ZNF544: variants seen among roughly 807,000 people sequenced by gnomAD.
ZNF544 encodes the protein zinc finger protein 544.
A neutral mutation model predicts 13.5 loss-of-function variants in ZNF544; 10 were observed. The ratio of observed to expected loss-of-function variants is 0.74; its 90% CI spans 0.46 to 1.25. The LOEUF is 1.25. Among genes scored for constraint, ZNF544 ranks in the 50% most tolerant of loss-of-function variants. ZNF544 has a pLI of 0.00. For synonymous variants in ZNF544, 323 were observed against 300.5 expected (o/e 1.07, Z -0.77); for missense variants, 896 against 845.6 (o/e 1.06, Z -0.74).
downstream of ZNF544, among the ~76,000 whole-genome samples, chr19:58,265,842 C>T (rs1047225503): frequency 5.9e-5 from 9 of 152,034 alleles, no homozygotes; most frequent in Non-Finnish European, 1.2e-4. Context: ...CAGCCTTGGC[C>T]TCCCAAAGTC....
Position 58,261,530 on chromosome 19 carries a change from TGA to T in ZNF544, c.928_929del (p.Leu311ValfsTer18). The T allele has an allele frequency of 1.2e-6, 2 of 1,614,198 alleles. No individual in the cohort carries two copies. Among genetic ancestry groups the T allele is most frequent in the South Asian group, 1.1e-5 (1 of 91,084 alleles). ...GTGATGAGTGCAGGGAAACCTGTTC[TGA>T]GAGTCTGTGCCTTGTACAAACAGAA... is the stretch of plus-strand genomic sequence containing the variant. ...ECDECRETCS[E>X]SLCLVQTERS... is the part of the protein sequence containing the mutation. On this transcript the variant is annotated frameshift_variant, in exon 7 of 7. Coordinates refer to ENST00000687789, the MANE Select transcript of ZNF544 (RefSeq NM_014480.4). LOFTEE classifies it low-confidence loss of function (END_TRUNC).
rs768920049 is a variant in ZNF544 at position 58,262,128 on chromosome 19, G to C, written c.1522G>C (p.Val508Leu). ...ATCTTTCAGCCAGAAGTATGACCTT[G>C]TTGTACATCAGAGGACACACACTGG... Reference protein sequence around the residue: ...GKSFSQKYDLVVHQRTHTGEK... With the variant: ...GKSFSQKYDLLVHQRTHTGEK... The change falls in exon 7 of 7, where the codon GTT becomes CTT. Residue 508 changes from valine to leucine, a missense_variant. By Grantham distance (32) the Val-to-Leu change is conservative. Coordinates refer to ENST00000687789, the MANE Select transcript of ZNF544 (RefSeq NM_014480.4). 1 of 1,611,900 alleles carries C rather than the reference G, an allele frequency of 6.2e-7. No individual in the cohort carries two copies. The highest frequency in any genetic ancestry group is 1.3e-5 in the African/African-American group (1 of 74,086).
chr19:58,266,212 C>CAAAAAAA (rs760851818), downstream of ZNF544, among the ~76,000 whole-genome samples: 479 of 46,098 alleles, frequency 0.01, 25 homozygotes, highest in Middle Eastern at 0.028. Context: ...GACTCTGTCT[C>CAAAAAAA]AAAAAAAAAA....
chr19:58,240,492 C>T (rs1387649296), intron 3 of ZNF544, among the ~76,000 whole-genome samples: 1 of 152,036 alleles, frequency 6.6e-6, no homozygotes, highest in Non-Finnish European at 1.5e-5. Flanking sequence ...CTCCTGACCT[C>T]GTGATCTGCA....
At chr19:58,232,079 C>G (rs2041359694) in intron 3 of ZNF544, among the ~76,000 whole-genome samples, 1 of 151,440 alleles carries the variant, frequency 6.6e-6, no homozygotes, top group Non-Finnish European at 1.5e-5. Context: ...AAAACTAATA[C>G]AAAATATAAT....
At chr19:58,231,962 T>TC (rs1391356736) in intron 3 of ZNF544, 1 of 151,904 alleles carries the variant, frequency 6.6e-6, no homozygotes, top group African/African-American at 2.4e-5. Context: ...TGCCTCAGCC[T>TC]CCCAAGTTAC....
chr19:58,246,652 C>T, intron 5 of ZNF544, 59 bp from the exon 6 acceptor site: 4 of 1,588,956 alleles, frequency 2.5e-6, no homozygotes, highest in Non-Finnish European at 3.4e-6. Flanking sequence ...AGCTTGGACC[C>T]AGGACATGGT....
intron 5 of ZNF544, among the ~76,000 whole-genome samples, chr19:58,273,665 G>A (rs544254177): frequency 6.7e-6 from 1 of 150,220 alleles, no homozygotes; most frequent in South Asian, 2.1e-4. Context: ...ACTCCAGCCT[G>A]GGCGACAGAG....
chr19:58,249,776 G>T (rs2045993888), intron 6 of ZNF544, among the ~76,000 whole-genome samples: 1 of 152,112 alleles, frequency 6.6e-6, no homozygotes, highest in Non-Finnish European at 1.5e-5. Flanking sequence ...TGCTGCTGAG[G>T]CATCTATTTG....
chr19:58,258,374 G>A (rs932357711), intron 6 of ZNF544: 2 of 156,586 alleles, frequency 1.3e-5, no homozygotes, highest in African/African-American at 4.8e-5. Context: ...GTGTGAGAGT[G>A]CTGGGTGTGA....
chr19:58,277,157 C>G (rs2051282616), intron 6 of ZNF544: 21 of 1,231,080 alleles, frequency 1.7e-5, no homozygotes, highest in Non-Finnish European at 2.1e-5. Flanking sequence ...TTTTGTGTAA[C>G]TTGCCTAACA....
At chr19:58,273,486 A>C (rs763863508) in intron 5 of ZNF544, among the ~76,000 whole-genome samples, 7 of 151,934 alleles carry the variant, frequency 4.6e-5, no homozygotes, top group Non-Finnish European at 1.0e-4. Context: ...GTCAGGAGAT[A>C]GAGACCCGCC....
At chr19:58,276,465 TTTTTA>T (rs1203010291) in intron 6 of ZNF544, 30 of 1,145,400 alleles carry the variant, frequency 2.6e-5, no homozygotes, top group Middle Eastern at 3.3e-4. Flanking sequence ...CAGAATTTTA[TTTTTA>T]TTTTATTTTA....
At chr19:58,241,183 T>TAATATATATATATA (rs1254015931) in intron 3 of ZNF544, among the ~76,000 whole-genome samples, 29 of 31,412 alleles carry the variant, frequency 9.2e-4, no homozygotes, top group East Asian at 4.3e-3. Context: ...ATATATATTT[T>TAATATATATATATA]TTTTTTTTTG....
intron 3 of ZNF544, among the ~76,000 whole-genome samples, chr19:58,238,272 G>A (rs2042850669): frequency 1.3e-5 from 2 of 152,130 alleles, no homozygotes; most frequent in South Asian, 2.1e-4. Flanking sequence ...AGATTGTGGA[G>A]GAATTTGGGC....
Position 58,261,080 on chromosome 19 carries a change from G to A in ZNF544, c.474G>A (p.Glu158=). ...TGTTTGCTCAAAGGGAACATTGTGA[G>A]CTTGAACTTGGGGGAGGTTATTCTC... ...ERLFAQREHC[E]LELGGGYSLP... Residue 158 remains glutamate, a synonymous_variant, in exon 7 of 7, where the codon GAG becomes GAA. Transcript: ENST00000687789. 1 of 1,614,198 alleles carries A rather than the reference G, an allele frequency of 6.2e-7. No homozygotes were observed. The highest frequency in any genetic ancestry group is 8.5e-7 in the Non-Finnish European group (1 of 1,180,040).
At chr19:58,271,611 G>A (rs1270358951) in intron 5 of ZNF544, among the ~76,000 whole-genome samples, 1 of 151,962 alleles carries the variant, frequency 6.6e-6, no homozygotes, top group Non-Finnish European at 1.5e-5. Context: ...CAAAAAAAAA[G>A]TGATGTCGGG....
intron 6 of ZNF544, 87 bp from the exon 7 acceptor site, chr19:58,260,764 C>CCA: frequency 8.2e-7 from 1 of 1,225,684 alleles, no homozygotes; most frequent in Non-Finnish European, 1.1e-6. Context: ...AGAGACACTT[C>CCA]CATTAAACAG....
chr19:58,236,502 C>CAA (rs35110851), intron 3 of ZNF544, among the ~76,000 whole-genome samples: 3 of 106,996 alleles, frequency 2.8e-5, no homozygotes, highest in Non-Finnish European at 4.2e-5. Flanking sequence ...AACTGTGTCT[C>CAA]AAAAAAAAAA....
Sources: gnomAD v4.1 joint callset for allele counts (sites outside exome capture counted in the v4.1 genomes callset) on GRCh38, gnomAD v4.1.1 for gene constraint, MANE v1.5 for transcripts, NCBI Gene and HGNC (gene_info 2026-07-23, HGNC 2026-07-21) for gene names.